Variants in MED24 observed in about 807,000 individuals in gnomAD.
The protein encoded by MED24 is mediator of RNA polymerase II transcription subunit 24.
Under a neutral mutation model 118.8 loss-of-function variants are expected in MED24, and 74 were observed. The observed-to-expected ratio is 0.62, with a 90% CI of 0.52 to 0.76. The LOEUF is 0.76. Among genes scored for constraint, MED24 ranks in the 30% least tolerant of loss-of-function variants. MED24 has a pLI of 0.00. For missense variants in MED24, 1,041 were observed against 1,278.9 expected, an observed-to-expected ratio of 0.81 and a Z score of 2.84; for synonymous variants, 521 against 523.9, an observed-to-expected ratio of 0.99 and a Z score of 0.08.
Position 40,035,625 on chromosome 17 carries a change from C to T in MED24, c.326+97G>A, listed in dbSNP as rs569289724. On this transcript the variant is annotated intron_variant, in intron 5 of 25. Transcript: ENST00000394128. ...CAGGTGGGGAGAAAAAACGTTGGAACCCGGAGTTGGTCTCGGTCTGTGTGC... is the reference window on the plus strand; with the variant it reads ...CAGGTGGGGAGAAAAAACGTTGGAATCCGGAGTTGGTCTCGGTCTGTGTGC... 1.8e-5 allele frequency: 24 copies of T among 1,349,276 alleles called. 1 individual carries two copies. In the South Asian group the frequency reaches 2.4e-4, roughly 13 times the overall value. 83.6% of individuals were successfully genotyped at this position (1,349,276 alleles called of 1,614,324 possible).
At chr17:40,048,286 CA>C (rs1985463654) in intron 3 of MED24, among the ~76,000 whole-genome samples, 1 of 152,168 alleles carries the variant, frequency 6.6e-6, no homozygotes, top group Non-Finnish European at 1.5e-5. Context: ...CAAGACCTTT[CA>C]GGGGGTCTAG....
intron 3 of MED24, among the ~76,000 whole-genome samples, chr17:40,049,531 T>C (rs72834791): frequency 0.2 from 30,394 of 151,962 alleles, 3,081 homozygotes; most frequent in South Asian, 0.27. Flanking sequence ...TTTAATTTTA[T>C]TTATTTTACT....
chr17:40,047,021 T>A (rs1476490441), intron 3 of MED24, among the ~76,000 whole-genome samples: 2 of 151,832 alleles, frequency 1.3e-5, no homozygotes, highest in Non-Finnish European at 2.9e-5. Flanking sequence ...GGTAGGAGGA[T>A]TACTTGAGCC....
intron 23 of MED24, 30 bp downstream of exon 23, chr17:40,021,925 G>A (rs752891212): frequency 6.7e-7 from 1 of 1,483,376 alleles, no homozygotes; most frequent in East Asian, 2.4e-5. Context: ...CCAGGAAAAG[G>A]AGCGGCGCGC....
chr17:40,027,911 C>T lies in MED24; in HGVS notation c.1445G>A (p.Ser482Asn), dbSNP rs1344099212. The change falls in exon 15 of 26, where the codon AGC becomes AAC. Residue 482 changes from serine (S) to asparagine (N), a missense_variant and splice_region_variant. Physicochemically the swap from Ser to Asn is conservative, Grantham distance 46. Transcript: ENST00000394128. ...GCGGATGCACAGGGCTGACTTACTG[C>T]TTTCTTCGCTGCCATAGGTTGTGAA... ...NEFTTYGSEE[S>N]TKPASVRALL... The T allele has an allele frequency of 1.2e-6, 2 of 1,613,602 alleles. No homozygotes were observed. The highest frequency in any genetic ancestry group is 1.7e-6 in the Non-Finnish European group (2 of 1,179,968).
chr17:40,021,071 TCAAA>T (rs138887828), intron 23 of MED24: 3,028 of 151,186 alleles, frequency 0.02, 83 homozygotes, highest in Non-Finnish European at 0.021. Context: ...AGACTCCAAC[TCAAA>T]CAAACAAACA....
At chr17:40,047,891 G>A (rs545491785) in intron 3 of MED24, among the ~76,000 whole-genome samples, 6 of 151,900 alleles carry the variant, frequency 3.9e-5, no homozygotes, top group South Asian at 4.2e-4. Context: ...CACCATGCCC[G>A]GCTAATTTTT....
rs894122543 is a variant in MED24 at position 40,019,430 on chromosome 17, G to A, written c.*99C>T. 6 of 954,526 alleles carry A rather than the reference G, an allele frequency of 6.3e-6. No individual in the cohort carries two copies. The highest frequency in any genetic ancestry group is 6.7e-4 in the Middle Eastern group (2 of 2,986). 59.1% of individuals were successfully genotyped at this position (954,526 alleles called of 1,614,324 possible). On this transcript the variant is annotated 3_prime_UTR_variant, in exon 26 of 26. Coordinates refer to ENST00000394128, the MANE Select transcript of MED24 (RefSeq NM_014815.4). ...TAGAGGCTCTTGCACCATGTGGAGC[G>A]GATGTGAGGCACGATGCCTCATCTT...
chr17:40,041,378 G>C (rs1984547352), intron 3 of MED24, among the ~76,000 whole-genome samples: 2 of 152,114 alleles, frequency 1.3e-5, no homozygotes, highest in South Asian at 2.1e-4. Flanking sequence ...AAATGAGATT[G>C]GTTCCTCAGG....
At chr17:40,041,195 T>G (rs1984529941) in intron 3 of MED24, among the ~76,000 whole-genome samples, 1 of 152,186 alleles carries the variant, frequency 6.6e-6, no homozygotes, top group Non-Finnish European at 1.5e-5. Flanking sequence ...TAATGGATCC[T>G]TCTCTGTTCT....
At chr17:40,027,223 G>A (rs756084264) in intron 16 of MED24, 160 bp downstream of exon 16, 32 of 1,083,940 alleles carry the variant, frequency 3.0e-5, no homozygotes, top group Non-Finnish European at 4.2e-5. Context: ...ACATAGGGCT[G>A]AAGGTGCCTC....
chr17:40,022,506 AGG>A (rs754806467), intron 21 of MED24, 22 bp from the exon 22 acceptor site: 1 of 1,600,726 alleles, frequency 6.2e-7, no homozygotes, highest in South Asian at 1.1e-5. Flanking sequence ...TTCCAGAAAA[AGG>A]GGGACAGTGA....
In MED24 at chr17:40,019,730, A is replaced by G. The variant is rs1199192141; in HGVS notation, c.2853+55T>C. The stretch of plus-strand genomic sequence containing the variant: ...GGGGAAGGAGGCCCCTCCCTGCTCT[A>G]AGGGCTGCCCCGAGGCCCCAGCACC... On this transcript the variant is annotated intron_variant, in intron 25 of 25. Coordinates refer to ENST00000394128, the MANE Select transcript of MED24 (RefSeq NM_014815.4). 10 of 1,599,470 alleles carry G rather than the reference A, an allele frequency of 6.3e-6. No homozygotes were observed. In the East Asian group the frequency reaches 1.3e-4, roughly 21 times the overall value.
chr17:40,029,844 C>T lies in MED24; in HGVS notation c.1170G>A (p.Glu390=). 1 of 1,614,068 alleles carries T rather than the reference C, an allele frequency of 6.2e-7. No homozygotes were observed. Among genetic ancestry groups the T allele is most frequent in the Non-Finnish European group, 8.5e-7 (1 of 1,179,980 alleles). The part of the protein sequence containing the change: ...NLMAKRKADR[E]HAPQQKSGEN... Reference sequence around the variant, plus strand: ...CTCCCGATTTCTGCTGGGGTGCGTGCTCTCGGTCCGCTTTGCTGTGGACAT... The same window carrying T: ...CTCCCGATTTCTGCTGGGGTGCGTGTTCTCGGTCCGCTTTGCTGTGGACAT... The change falls in exon 13 of 26, where the codon GAG becomes GAA. Residue 390 remains glutamate (E), a synonymous_variant. Transcript: ENST00000394128.
chr17:40,051,026 C>G, intron 3 of MED24, among the ~76,000 whole-genome samples: 1 of 150,670 alleles, frequency 6.6e-6, no homozygotes, highest in East Asian at 2.0e-4. Flanking sequence ...CTCCCAGCTA[C>G]TTGGGAGGCT....
At chr17:40,045,098 T>C (rs1167710317) in intron 3 of MED24, among the ~76,000 whole-genome samples, 1 of 152,148 alleles carries the variant, frequency 6.6e-6, no homozygotes, top group African/African-American at 2.4e-5. Flanking sequence ...GGTATAAGGA[T>C]ATTCAGTGAA....
chr17:40,043,626 C>T (rs1455591570), intron 3 of MED24, among the ~76,000 whole-genome samples: 7 of 152,088 alleles, frequency 4.6e-5, no homozygotes, highest in Middle Eastern at 3.4e-3. Context: ...CGGTGGCTCA[C>T]GTCTGTAATC....
rs752243492 is a variant in MED24, at chr17:40,035,139, G to A, written c.537C>T (p.His179=). The A allele has an allele frequency of 1.5e-5, 24 of 1,614,094 alleles. No homozygotes were observed. Among genetic ancestry groups the A allele is most frequent in the Non-Finnish European group, 2.0e-5 (24 of 1,180,044 alleles). The change falls in exon 6 of 26, where the codon CAC becomes CAT. Residue 179 remains histidine, a synonymous_variant. Coordinates refer to ENST00000394128, the MANE Select transcript of MED24 (RefSeq NM_014815.4). The part of the protein sequence containing the change: ...LSSTKNRALL[H]IAKLEEASSW... ...TACAGGCCTCCTCTAGTTTGGCGAT[G>A]TGCAGCAGGGCCCGGTTCTTGGTGC...
At position 40,020,292 on chromosome 17, in the gene MED24, G is replaced by A; in HGVS notation, c.2685C>T (p.Asp895=). ...ASQLHTVNMR[D]PLNRVLANLF... Reference sequence around the variant, plus strand: ...ACTCACCCAGGACTCGGTTCAGAGGGTCCCGCATGTTGACCGTGTGGAGCT... The same window carrying A: ...ACTCACCCAGGACTCGGTTCAGAGGATCCCGCATGTTGACCGTGTGGAGCT... Residue 895 remains aspartate, a synonymous_variant, in exon 24 of 26, where the codon GAC becomes GAT. Transcript: ENST00000394128. The A allele has an allele frequency of 6.4e-7, 1 of 1,570,040 alleles. No individual in the cohort carries two copies. The highest frequency in any genetic ancestry group is 8.6e-7 in the Non-Finnish European group (1 of 1,158,576).
Sources: allele counts gnomAD v4.1 joint callset (sites outside exome capture counted in the v4.1 genomes callset), GRCh38; gene constraint gnomAD v4.1.1; transcripts MANE v1.5; gene names NCBI Gene and HGNC (gene_info 2026-07-23, HGNC 2026-07-21).